The following HMGB1 variants were observed in gnomAD, a reference collection of about 807,000 sequenced individuals.
The protein encoded by HMGB1 is high mobility group box 1.
For missense variants in HMGB1, 79 were observed against 253.5 expected, an observed-to-expected ratio of 0.31 and a Z score of 4.67; for synonymous variants, 81 against 84.0, an observed-to-expected ratio of 0.96 and a Z score of 0.19.
chr13:30,571,794 G>C (rs1464547696), intron 1 of HMGB1, among the ~76,000 whole-genome samples: 1 of 152,028 alleles, frequency 6.6e-6, no homozygotes, highest in Non-Finnish European at 1.5e-5. Flanking sequence ...CAAATGAAGA[G>C]TATATGTATT....
chr13:30,598,146 C>T (rs1400311726), intron 1 of HMGB1, among the ~76,000 whole-genome samples: 13 of 152,210 alleles, frequency 8.5e-5, no homozygotes, highest in Non-Finnish European at 1.5e-5. Flanking sequence ...CACCAGTACC[C>T]CTGTGTTGTT....
intron 1 of HMGB1, among the ~76,000 whole-genome samples, chr13:30,523,180 G>A (rs1002661677): frequency 6.6e-6 from 1 of 152,180 alleles, no homozygotes; most frequent in African/African-American, 2.4e-5. Context: ...CATCAGCCTT[G>A]GTTACAGGAT....
intron 1 of HMGB1, among the ~76,000 whole-genome samples, chr13:30,526,882 C>A (rs1401780887): frequency 1.3e-5 from 2 of 152,258 alleles, no homozygotes; most frequent in African/African-American, 4.8e-5. Flanking sequence ...CAGCACTTGG[C>A]ACTGTTTTGT....
At chr13:30,587,210 C>G (rs192137228) in intron 1 of HMGB1, among the ~76,000 whole-genome samples, 1 of 152,154 alleles carries the variant, frequency 6.6e-6, no homozygotes, top group Non-Finnish European at 1.5e-5. Flanking sequence ...TTTATAAATA[C>G]AGCATGTGGC....
intron 1 of HMGB1, among the ~76,000 whole-genome samples, chr13:30,513,242 C>A (rs1888031668): frequency 6.6e-6 from 1 of 152,142 alleles, no homozygotes; most frequent in Non-Finnish European, 1.5e-5. Flanking sequence ...ACCTGGATTC[C>A]ATTTTCTCTC....
At chr13:30,473,931 T>C (rs746390317) in intron 1 of HMGB1, among the ~76,000 whole-genome samples, 1 of 152,152 alleles carries the variant, frequency 6.6e-6, no homozygotes, top group Non-Finnish European at 1.5e-5. Context: ...TTATGCTAAG[T>C]GAAAGAGCCC....
In HMGB1 at chr13:30,505,453, CA is replaced by C. The variant is rs1887839410; in HGVS notation, c.-14-41760del. ...TTGACCTCCCAAAGTGCTGGGATTA[CA>C]GGTGTAAGCCACCGCGCCCAACCAT... On this transcript the variant is annotated intron_variant, in intron 1 of 4. Transcript: ENST00000405805. 2.6e-5 allele frequency among the ~76,000 whole-genome samples: 4 copies of C among 152,216 alleles called. No homozygotes were observed. The South Asian group carries it at 8.3e-4, about 32-fold the overall frequency.
At chr13:30,564,017 G>A (rs1360289280) in intron 1 of HMGB1, among the ~76,000 whole-genome samples, 1 of 152,130 alleles carries the variant, frequency 6.6e-6, no homozygotes, top group African/African-American at 2.4e-5. Context: ...CGTGGGCATG[G>A]TGGCCAAAAC....
upstream of HMGB1, among the ~76,000 whole-genome samples, chr13:30,469,170 C>T (rs1221993419): frequency 1.3e-5 from 2 of 152,156 alleles, no homozygotes; most frequent in Non-Finnish European, 2.9e-5. Context: ...AGATTACAGG[C>T]ATGAGCCCTG....
chr13:30,465,459 C>T (rs1239762067), intron 1 of HMGB1, among the ~76,000 whole-genome samples: 1 of 146,882 alleles, frequency 6.8e-6, no homozygotes, highest in Non-Finnish European at 1.5e-5. Flanking sequence ...CCCGAACGCC[C>T]GGCCCGAGGG....
intron 4 of HMGB1, 39 bp downstream of exon 4, chr13:30,462,499 A>T (rs775556193): frequency 6.7e-7 from 1 of 1,497,068 alleles, no homozygotes; most frequent in East Asian, 2.3e-5. Context: ...CATCTGGCGT[A>T]CTTGTCATCA....
At chr13:30,572,052 T>G (rs1328704700) in intron 1 of HMGB1, among the ~76,000 whole-genome samples, 1 of 152,212 alleles carries the variant, frequency 6.6e-6, no homozygotes, top group Non-Finnish European at 1.5e-5. Context: ...TCAGGCCTAA[T>G]TTTGCAAGTT....
chr13:30,617,234 G>C (rs1950575526), exon 1 of HMGB1: 1 of 152,384 alleles, frequency 6.6e-6, no homozygotes, highest in African/African-American at 2.4e-5. Flanking sequence ...GATCTGGGAG[G>C]GAGGAAAGGA....
chr13:30,486,640 T>C (rs546188091), intron 1 of HMGB1, among the ~76,000 whole-genome samples: 1 of 152,204 alleles, frequency 6.6e-6, no homozygotes, highest in Non-Finnish European at 1.5e-5. Flanking sequence ...AGGCCACTCT[T>C]GCTGGAGGCT....
Position 30,562,993 on chromosome 13 carries a change from T to C in HMGB1, c.-15+53678A>G, listed in dbSNP as rs1870026628. ...TGCCATGTAAGAGCCAGGTCTGCGA[T>C]GTATGTTCTACATGGTTTGGGGGGT... On this transcript the variant is annotated intron_variant, in intron 1 of 4. Transcript: ENST00000405805. Among the ~76,000 whole-genome samples the C allele has an allele frequency of 1.3e-5, 2 of 152,238 alleles. 1 individual carries two copies. The highest frequency in any genetic ancestry group is 4.1e-4 in the South Asian group (2 of 4,838).
intron 1 of HMGB1, among the ~76,000 whole-genome samples, chr13:30,531,563 G>GCGAA (rs1477376860): frequency 7.2e-6 from 1 of 138,294 alleles, no homozygotes; most frequent in Non-Finnish European, 1.5e-5. Context: ...TGTGTTTTCA[G>GCGAA]CGAAATTTTT....
intron 1 of HMGB1, chr13:30,464,492 C>G (rs994588551): frequency 4.5e-5 from 44 of 984,824 alleles, no homozygotes; most frequent in Non-Finnish European, 5.2e-5. Context: ...CCTAGAACTT[C>G]GCCGGTGGCC....
rs1397737949 is a variant in HMGB1 at position 30,460,251 on chromosome 13, G to C, written c.*1106C>G. 1 of 151,548 alleles carries C rather than the reference G, an allele frequency of 6.6e-6. No individual in the cohort carries two copies. The highest frequency in any genetic ancestry group is 1.5e-5 in the Non-Finnish European group (1 of 67,866). The allele number at this position is 151,548 out of a possible 1,614,324, so 9.4% of individuals were successfully genotyped here. On this transcript the variant is annotated 3_prime_UTR_variant, in exon 5 of 5. Transcript: ENST00000341423. The stretch of plus-strand genomic sequence containing the variant: ...AATATAGGAAAATATACCCTATTTT[G>C]AATGTGGCATCTTTGTTTGAAAAGC...
intron 1 of HMGB1, among the ~76,000 whole-genome samples, chr13:30,605,563 G>A (rs182122225): frequency 6.6e-6 from 1 of 152,340 alleles, no homozygotes; most frequent in African/African-American, 2.4e-5. Context: ...CTGGCAACAT[G>A]GAGGCCAATG....
Sources: gnomAD v4.1 joint callset for allele counts (sites outside exome capture counted in the v4.1 genomes callset) on GRCh38, gnomAD v4.1.1 for gene constraint, MANE v1.5 for transcripts, NCBI Gene and HGNC (gene_info 2026-07-23, HGNC 2026-07-21) for gene names.